The following PAWR variants were observed in gnomAD, a reference collection of about 807,000 sequenced individuals.
PAWR encodes the protein pro-apoptotic WT1 regulator.
A neutral mutation model predicts 32.0 loss-of-function variants in PAWR; 23 were observed. That is an observed-to-expected ratio of 0.72 (90% CI 0.52 to 1.02). The LOEUF (loss-of-function observed/expected upper bound fraction) is 1.02, where lower values mean the gene tolerates loss of function less well. PAWR is among the 50% of genes least tolerant of loss of function. The pLI, the probability that PAWR is intolerant of heterozygous loss-of-function variation, is 0.00. For synonymous variants in PAWR, 226 were observed against 187.1 expected (o/e 1.21, Z -1.70); for missense variants, 457 against 437.7 (o/e 1.04, Z -0.39).
chr12:79,620,949 G>T, intron 3 of PAWR, 127 bp downstream of exon 3: 1 of 686,962 alleles, frequency 1.5e-6, no homozygotes, highest in Non-Finnish European at 2.4e-6. Flanking sequence ...CCCACTTATG[G>T]TAAGGAAGGC....
rs963541556 is a variant in PAWR at position 79,588,585 on chromosome 12, C to T, written c.*4022G>A. The T allele has an allele frequency of 1.3e-5, 2 of 151,870 alleles. No homozygotes were observed. The highest frequency in any genetic ancestry group is 2.9e-5 in the Non-Finnish European group (2 of 67,858). The allele number at this position is 151,870 out of a possible 1,614,324, so 9.4% of individuals were successfully genotyped here. On this transcript the variant is annotated 3_prime_UTR_variant, in exon 7 of 7. Transcript: ENST00000328827. ...GAGTAAACTATTCAGATTAGACAGG[C>T]TAATGCTAAGACTGCATTTTGTGCT...
chr12:79,622,404 C>T lies in PAWR; in HGVS notation c.517-1197G>A, dbSNP rs139163170. ...ACATGTGCCATGTTGGTGTGCTGCA[C>T]CCGTTAACTCGTCATTTACATTAGG... On this transcript the variant is annotated intron_variant, in intron 2 of 6. Transcript: ENST00000328827. 6.2e-4 allele frequency among the ~76,000 whole-genome samples: 94 copies of T among 152,174 alleles called. 1 individual carries two copies. Among genetic ancestry groups the T allele is most frequent in the African/African-American group, 2.1e-3 (89 of 41,510 alleles).
chr12:79,656,834 A>C (rs1456152808), intron 2 of PAWR, among the ~76,000 whole-genome samples: 1 of 152,214 alleles, frequency 6.6e-6, no homozygotes, highest in Non-Finnish European at 1.5e-5. Context: ...TGAGAGACAG[A>C]AAACAAACCA....
chr12:79,652,057 A>T (rs1876875827), intron 2 of PAWR, among the ~76,000 whole-genome samples: 1 of 152,108 alleles, frequency 6.6e-6, no homozygotes, highest in Admixed American at 6.6e-5. Flanking sequence ...AAATTAATAT[A>T]GACAAAGTAG....
At chr12:79,609,786 C>T (rs572324676) in intron 4 of PAWR, among the ~76,000 whole-genome samples, 22 of 152,260 alleles carry the variant, frequency 1.4e-4, no homozygotes, top group African/African-American at 4.8e-4. Flanking sequence ...CATACTGACC[C>T]TCTGCTCTCA....
Position 79,584,944 on chromosome 12 carries a change from T to G in PAWR, c.*7663A>C, listed in dbSNP as rs754169803. ...TAAAAGTTTGATGAAAGCGCATTAT[T>G]GTTACCAAAAGTCTTCAGGCAATAA... On this transcript the variant is annotated 3_prime_UTR_variant, in exon 7 of 7. Transcript: ENST00000328827. 42 of 207,460 alleles carry G rather than the reference T, an allele frequency of 2.0e-4. No homozygotes were observed. The highest frequency in any genetic ancestry group is 3.9e-4 in the Non-Finnish European group (40 of 101,716). 12.9% of individuals were successfully genotyped at this position (207,460 alleles called of 1,614,324 possible). A position where few individuals can be genotyped will look rare whatever the true frequency, so the allele number is the denominator to read the frequency against.
At chr12:79,592,746 A>G in intron 6 of PAWR, 53 bp from the exon 7 acceptor site, 2 of 679,582 alleles carry the variant, frequency 2.9e-6, no homozygotes, top group East Asian at 2.6e-5. Flanking sequence ...TTGAGGAGAG[A>G]TGAAAACACT....
At position 79,646,506 on chromosome 12, in the gene PAWR, T is replaced by C. The variant is rs149013896; in HGVS notation, c.517-25299A>G. Among the ~76,000 whole-genome samples the C allele has an allele frequency of 4.1e-3, 627 of 152,292 alleles. 12 individuals are homozygous for C. The highest frequency in any genetic ancestry group is 0.014 in the African/African-American group (595 of 41,566). Reference sequence around the variant, plus strand: ...CAACACATGTCTCCAAATATTAAAATGAAACAAGTGTAATAAATATTTCCA... The same window carrying C: ...CAACACATGTCTCCAAATATTAAAACGAAACAAGTGTAATAAATATTTCCA... On this transcript the variant is annotated intron_variant, in intron 2 of 6. Coordinates refer to ENST00000328827, the MANE Select transcript of PAWR (RefSeq NM_002583.4).
rs1370607485 is a variant in PAWR at position 79,591,892 on chromosome 12, C to T, written c.*715G>A. On this transcript the variant is annotated 3_prime_UTR_variant, in exon 7 of 7. Coordinates refer to ENST00000328827, the MANE Select transcript of PAWR (RefSeq NM_002583.4). Reference sequence around the variant, plus strand: ...TTGGAACGATAAAAAAAGGTAGTACCTACATAAGAAATTTTACATTGAAAT... The same window carrying T: ...TTGGAACGATAAAAAAAGGTAGTACTTACATAAGAAATTTTACATTGAAAT... The T allele has an allele frequency of 6.6e-6, 1 of 152,266 alleles. No individual in the cohort carries two copies. The highest frequency in any genetic ancestry group is 1.5e-5 in the Non-Finnish European group (1 of 67,930). 9.4% of individuals were successfully genotyped at this position (152,266 alleles called of 1,614,324 possible).
chr12:79,632,407 G>A (rs1175846427), intron 2 of PAWR, among the ~76,000 whole-genome samples: 1 of 134,362 alleles, frequency 7.4e-6, no homozygotes, highest in Non-Finnish European at 1.5e-5. Context: ...TGCCCAGGCT[G>A]GAGTGCAGTG....
chr12:79,679,292 G>C (rs1268310557), intron 2 of PAWR, among the ~76,000 whole-genome samples: 2 of 152,132 alleles, frequency 1.3e-5, no homozygotes, highest in Non-Finnish European at 2.9e-5. Context: ...TATAAAAAAT[G>C]CTGCAGCATA....
chr12:79,643,329 AG>A (rs1014149855), intron 2 of PAWR, among the ~76,000 whole-genome samples: 59 of 152,154 alleles, frequency 3.9e-4, no homozygotes, highest in African/African-American at 1.3e-3. Context: ...AATACTTAAT[AG>A]TCAAAGAAGT....
At position 79,586,931 on chromosome 12, in the gene PAWR, A is replaced by G. The variant is rs965035369; in HGVS notation, c.*5676T>C. On this transcript the variant is annotated 3_prime_UTR_variant, in exon 7 of 7. Transcript: ENST00000328827. ...CTTTAATATGAAGGCCCAACATTAC[A>G]TAATTCTTTTTAAGAGTTGACCAGG... 3.9e-5 allele frequency: 6 copies of G among 152,164 alleles called. No individual in the cohort carries two copies. The highest frequency in any genetic ancestry group is 5.9e-5 in the Non-Finnish European group (4 of 68,002). The allele number at this position is 152,164 out of a possible 1,614,324, so 9.4% of individuals were successfully genotyped here. A position where few individuals can be genotyped will look rare whatever the true frequency, so the allele number is the denominator to read the frequency against.
chr12:79,689,566 T>C (rs1466684198), intron 2 of PAWR, among the ~76,000 whole-genome samples, 163 bp downstream of exon 2: 1 of 152,160 alleles, frequency 6.6e-6, no homozygotes, highest in Non-Finnish European at 1.5e-5. Flanking sequence ...GAAGCATTTG[T>C]TCAGAGTAAA....
intron 3 of PAWR, among the ~76,000 whole-genome samples, chr12:79,616,269 C>G (rs1447362684): frequency 4.6e-5 from 7 of 152,096 alleles, no homozygotes; most frequent in African/African-American, 1.4e-4. Context: ...TCTCTCACAT[C>G]TGTCTCATTT....
intron 4 of PAWR, among the ~76,000 whole-genome samples, chr12:79,599,298 A>C (rs970344231): frequency 1.3e-5 from 2 of 152,180 alleles, no homozygotes; most frequent in African/African-American, 4.8e-5. Flanking sequence ...AGAAACCTCA[A>C]ATGTAATGAA....
At chr12:79,654,484 G>A (rs1040627848) in intron 2 of PAWR, among the ~76,000 whole-genome samples, 1 of 151,628 alleles carries the variant, frequency 6.6e-6, no homozygotes, top group South Asian at 2.1e-4. Context: ...AACAACCAAA[G>A]CTCTGGGAGA....
chr12:79,689,709 G>GCGGCCCCCGCCCGGCTC lies in PAWR; in HGVS notation c.516+3_516+19dup. 6.5e-7 allele frequency: 1 copy of GCGGCCCCCGCCCGGCTC among 1,535,612 alleles called. No homozygotes were observed. The highest frequency in any genetic ancestry group is 2.5e-5 in the East Asian group (1 of 40,404). ...CTGCCCGCCCCGGCCCGGTCCGGCT[G>GCGGCCCCCGCCCGGCTC]CGGCCCCCGCCCGGCTCACCTCTGC... On this transcript the variant is annotated intron_variant, in intron 2 of 6. Transcript: ENST00000328827.
chr12:79,677,923 A>G (rs1338520537), intron 2 of PAWR, among the ~76,000 whole-genome samples: 1 of 152,198 alleles, frequency 6.6e-6, no homozygotes, highest in African/African-American at 2.4e-5. Flanking sequence ...CCATGATTAC[A>G]CTAGAATCAA....
Sources: gnomAD v4.1 joint callset for allele counts (sites outside exome capture counted in the v4.1 genomes callset) on GRCh38, gnomAD v4.1.1 for gene constraint, MANE v1.5 for transcripts, NCBI Gene and HGNC (gene_info 2026-07-23, HGNC 2026-07-21) for gene names.